Variants in CRPPA observed in about 807,000 individuals in gnomAD.
CRPPA encodes CDP-L-ribitol pyrophosphorylase A.
A neutral mutation model predicts 52.0 loss-of-function variants in CRPPA; 43 were observed. The ratio of observed to expected loss-of-function variants is 0.83; its 90% confidence interval spans 0.65 to 1.07. The LOEUF (loss-of-function observed/expected upper bound fraction) is 1.07, where lower values mean the gene tolerates loss of function less well. Ranked by LOEUF, CRPPA falls within the 50% of genes least tolerant of loss-of-function variation. The pLI is 0.00. For synonymous variants in CRPPA, 250 were observed against 203.5 expected, an observed-to-expected ratio of 1.23 and a Z score of -1.94; for missense variants, 629 against 551.7, an observed-to-expected ratio of 1.14 and a Z score of -1.40.
chr7:16,383,383 G>A (rs943549217), intron 2 of CRPPA, among the ~76,000 whole-genome samples: 6 of 152,204 alleles, frequency 3.9e-5, no homozygotes, highest in African/African-American at 1.4e-4. Context: ...CCGGCCGTGT[G>A]AGGTGTCAGA....
chr7:16,337,398 G>C (rs1189154623), intron 3 of CRPPA, among the ~76,000 whole-genome samples: 3 of 151,928 alleles, frequency 2.0e-5, no homozygotes, highest in Non-Finnish European at 4.4e-5. Flanking sequence ...ATAAAATCAA[G>C]AAATACCTTA....
At chr7:16,383,707 C>A (rs1486734583) in intron 2 of CRPPA, among the ~76,000 whole-genome samples, 3 of 152,228 alleles carry the variant, frequency 2.0e-5, no homozygotes, top group East Asian at 1.9e-4. Context: ...TGGCAGGCGC[C>A]CCTCCCCCAG....
In CRPPA at chr7:16,398,959, C is replaced by T. The variant is rs1003082035; in HGVS notation, c.534+7102G>A. Among the ~76,000 whole-genome samples, 6 of 152,216 alleles carry T rather than the reference C, an allele frequency of 3.9e-5. No homozygotes were observed. In the South Asian group the frequency reaches 8.3e-4, roughly 21 times the overall value. The stretch of plus-strand genomic sequence containing the variant: ...ACACGTGATCATCACGTAATCAACA[C>T]GTGACACCTGACCAGCCCATGGCCG... On this transcript the variant is annotated intron_variant, in intron 2 of 9. Coordinates refer to ENST00000407010, the MANE Select transcript of CRPPA (RefSeq NM_001101426.4).
chr7:16,229,559 C>T (rs114787271), intron 8 of CRPPA, among the ~76,000 whole-genome samples: 3,168 of 152,048 alleles, frequency 0.021, 119 homozygotes, highest in African/African-American at 0.071. Context: ...TCACTCACTC[C>T]TCCATATTTA....
intron 3 of CRPPA, among the ~76,000 whole-genome samples, chr7:16,313,500 G>C (rs963464409): frequency 2.0e-5 from 3 of 151,832 alleles, no homozygotes; most frequent in Non-Finnish European, 4.4e-5. Context: ...TTTTGGTCTG[G>C]TAGATTTTTC....
chr7:16,136,623 G>A (rs1782767152), intron 9 of CRPPA, among the ~76,000 whole-genome samples: 1 of 151,416 alleles, frequency 6.6e-6, no homozygotes, highest in Non-Finnish European at 1.5e-5. Flanking sequence ...ACATTCTTAA[G>A]GAACTCATAG....
Position 16,088,630 on chromosome 7 carries a change from G to A in CRPPA, c.*3065C>T, listed in dbSNP as rs1781749261. ...AGACGGGGTTTCACCGCATTAGCCA[G>A]GATGGTCTGGATCTCCTGACCTCGT... On this transcript the variant is annotated 3_prime_UTR_variant, in exon 10 of 10. Coordinates refer to ENST00000407010, the MANE Select transcript of CRPPA (RefSeq NM_001101426.4). 6.5e-6 allele frequency: 1 copy of A among 152,818 alleles called. No homozygotes were observed. Among genetic ancestry groups the A allele is most frequent in the Non-Finnish European group, 1.5e-5 (1 of 68,570 alleles). 9.5% of individuals were successfully genotyped at this position (152,818 alleles called of 1,614,324 possible).
chr7:16,395,499 T>C (rs1195602485), intron 2 of CRPPA, among the ~76,000 whole-genome samples: 2 of 152,212 alleles, frequency 1.3e-5, no homozygotes, highest in African/African-American at 2.4e-5. Context: ...AAGCTAATCA[T>C]TGGGAATTAT....
intron 1 of CRPPA, among the ~76,000 whole-genome samples, chr7:16,420,109 T>G (rs948003673): frequency 6.6e-6 from 1 of 152,168 alleles, no homozygotes; most frequent in Non-Finnish European, 1.5e-5. Context: ...AACGTGCCAC[T>G]TCCCTTGGAC....
At chr7:16,161,416 G>A (rs1010900776) in intron 9 of CRPPA, among the ~76,000 whole-genome samples, 2 of 152,078 alleles carry the variant, frequency 1.3e-5, no homozygotes, top group African/African-American at 4.8e-5. Context: ...TTTGTCGAAG[G>A]CCTTTTCTGC....
chr7:16,320,648 T>G (rs1193646664), intron 3 of CRPPA, among the ~76,000 whole-genome samples: 1 of 152,170 alleles, frequency 6.6e-6, no homozygotes, highest in Non-Finnish European at 1.5e-5. Context: ...TTTCTCACTC[T>G]GCAGTTATAG....
intron 9 of CRPPA, among the ~76,000 whole-genome samples, chr7:16,099,699 A>T (rs1782005257): frequency 6.6e-6 from 1 of 152,218 alleles, no homozygotes; most frequent in Non-Finnish European, 1.5e-5. Flanking sequence ...GGCCTGAAGA[A>T]CAAACAGTTC....
chr7:16,100,559 A>C (rs1328836017), intron 9 of CRPPA, among the ~76,000 whole-genome samples: 2 of 152,192 alleles, frequency 1.3e-5, no homozygotes, highest in African/African-American at 4.8e-5. Flanking sequence ...AGGCTGAGAC[A>C]ATGGAGTTTT....
At chr7:16,369,853 C>T (rs1468224228) in intron 3 of CRPPA, among the ~76,000 whole-genome samples, 1 of 152,118 alleles carries the variant, frequency 6.6e-6, no homozygotes, top group African/African-American at 2.4e-5. Context: ...TGGCAGGCTG[C>T]AGCCTACTCT....
chr7:16,256,441 C>T (rs573408240), intron 8 of CRPPA, among the ~76,000 whole-genome samples: 2 of 152,170 alleles, frequency 1.3e-5, no homozygotes, highest in Non-Finnish European at 2.9e-5. Flanking sequence ...ATAAATCATT[C>T]TACAATAAAG....
chr7:16,259,555 G>C (rs139999759), intron 6 of CRPPA, among the ~76,000 whole-genome samples: 2 of 151,934 alleles, frequency 1.3e-5, no homozygotes, highest in African/African-American at 4.8e-5. Flanking sequence ...TAAGTAGTCC[G>C]AGATTAGATT....
chr7:16,112,153 A>G (rs1782277927), intron 9 of CRPPA, among the ~76,000 whole-genome samples: 1 of 152,040 alleles, frequency 6.6e-6, no homozygotes, highest in African/African-American at 2.4e-5. Context: ...CATCTCTACT[A>G]AAAATACAAA....
At chr7:16,102,426 G>C (rs1490463251) in intron 9 of CRPPA, among the ~76,000 whole-genome samples, 4 of 152,130 alleles carry the variant, frequency 2.6e-5, no homozygotes, top group Non-Finnish European at 5.9e-5. Flanking sequence ...AACACCAAAA[G>C]CAATGGCAAC....
At chr7:16,360,776 C>A (rs1366199514) in intron 3 of CRPPA, among the ~76,000 whole-genome samples, 3 of 152,108 alleles carry the variant, frequency 2.0e-5, no homozygotes, top group Admixed American at 2.0e-4. Flanking sequence ...TTATAGAAAT[C>A]TTAGAAGACA....
Sources: allele counts gnomAD v4.1 joint callset (sites outside exome capture counted in the v4.1 genomes callset), GRCh38; gene constraint gnomAD v4.1.1; transcripts MANE v1.5; gene names NCBI Gene and HGNC (gene_info 2026-07-23, HGNC 2026-07-21).